The following PLCL1 variants were observed in gnomAD, a reference collection of about 807,000 sequenced individuals.
PLCL1 encodes the protein phospholipase C like 1 (inactive).
A neutral mutation model predicts 84.4 loss-of-function variants in PLCL1; 41 were observed. The ratio of observed to expected loss-of-function variants is 0.49; its 90% CI spans 0.38 to 0.63. The LOEUF is 0.63. Ranked by LOEUF, PLCL1 falls within the 30% of genes least tolerant of loss-of-function variation. PLCL1 has a pLI of 0.00. For missense variants in PLCL1, 1,206 were observed against 1,367.8 expected (o/e 0.88, Z 1.87); for synonymous variants, 490 against 488.3 (o/e 1.00, Z -0.05).
chr2:197,881,041 C>T (rs919377201), intron 1 of PLCL1, among the ~76,000 whole-genome samples: 2 of 152,122 alleles, frequency 1.3e-5, no homozygotes, highest in Admixed American at 1.3e-4. Flanking sequence ...CTGTGGTTCT[C>T]CTTCAGAATT....
chr2:198,129,921 T>G (rs905084717), intron 5 of PLCL1, among the ~76,000 whole-genome samples: 10 of 152,172 alleles, frequency 6.6e-5, no homozygotes, highest in Non-Finnish European at 1.5e-5. Flanking sequence ...CAAAATCTCA[T>G]GGACACTTTT....
At chr2:198,045,507 T>G (rs1366914740) in intron 1 of PLCL1, among the ~76,000 whole-genome samples, 1 of 152,220 alleles carries the variant, frequency 6.6e-6, no homozygotes, top group East Asian at 1.9e-4. Context: ...ATCTTAACTG[T>G]GGAAATATTT....
intron 1 of PLCL1, among the ~76,000 whole-genome samples, chr2:197,924,369 T>C (rs922529938): frequency 1.3e-5 from 2 of 152,132 alleles, no homozygotes; most frequent in African/African-American, 4.8e-5. Context: ...CAAACATCTT[T>C]TCAGGTGAAC....
At chr2:198,018,131 T>C (rs1362587521) in intron 1 of PLCL1, among the ~76,000 whole-genome samples, 1 of 152,120 alleles carries the variant, frequency 6.6e-6, no homozygotes, top group East Asian at 1.9e-4. Context: ...TGCAAGGGGT[T>C]GGGGAACTCC....
intron 1 of PLCL1, among the ~76,000 whole-genome samples, chr2:197,904,858 T>C (rs977928949): frequency 1.3e-5 from 2 of 152,168 alleles, no homozygotes; most frequent in East Asian, 3.8e-4. Context: ...AGAATAATAT[T>C]TAGTCAATTA....
rs79794399 is a variant in PLCL1, at chr2:198,078,333, G to T, written c.241-5425G>T. ...TTATCTGGATTCTAGATTGTATATTGTCTACCATCCTTTGAGAATGTCATG... is the reference window on the plus strand; with the variant it reads ...TTATCTGGATTCTAGATTGTATATTTTCTACCATCCTTTGAGAATGTCATG... On this transcript the variant is annotated intron_variant, in intron 1 of 5. Coordinates refer to ENST00000428675, the MANE Select transcript of PLCL1 (RefSeq NM_006226.4). Among the ~76,000 whole-genome samples the T allele has an allele frequency of 3.4e-3, 510 of 152,206 alleles. 3 individuals are homozygous for T. The highest frequency in any genetic ancestry group is 0.012 in the African/African-American group (481 of 41,550).
At chr2:198,055,029 T>A (rs1010454585) in intron 1 of PLCL1, among the ~76,000 whole-genome samples, 1 of 152,082 alleles carries the variant, frequency 6.6e-6, no homozygotes, top group Non-Finnish European at 1.5e-5. Flanking sequence ...ATGTTTTATA[T>A]AGTATATGTG....
intron 1 of PLCL1, among the ~76,000 whole-genome samples, chr2:198,042,883 CG>C (rs1691697207): frequency 1.3e-5 from 2 of 152,018 alleles, no homozygotes; most frequent in South Asian, 4.1e-4. Context: ...GGAGATAATA[CG>C]GGGTTGGTAC....
chr2:198,035,050 A>T (rs965654077), intron 1 of PLCL1, among the ~76,000 whole-genome samples: 1 of 152,206 alleles, frequency 6.6e-6, no homozygotes, highest in Non-Finnish European at 1.5e-5. Context: ...GGTATCTGCC[A>T]TATTTCTGCA....
At chr2:197,885,929 C>A (rs1014010480) in intron 1 of PLCL1, among the ~76,000 whole-genome samples, 1 of 152,170 alleles carries the variant, frequency 6.6e-6, no homozygotes, top group Non-Finnish European at 1.5e-5. Context: ...AGAACTAAAA[C>A]TATAGCTTCA....
At chr2:198,043,727 A>G (rs1691720990) in intron 1 of PLCL1, among the ~76,000 whole-genome samples, 1 of 152,070 alleles carries the variant, frequency 6.6e-6, no homozygotes, top group Non-Finnish European at 1.5e-5. Context: ...TGTCCAGAGA[A>G]CAGGTTTGGT....
intron 1 of PLCL1, among the ~76,000 whole-genome samples, chr2:197,846,667 A>G (rs1232452074): frequency 6.6e-6 from 1 of 152,156 alleles, no homozygotes; most frequent in Non-Finnish European, 1.5e-5. Flanking sequence ...ATTGGGGTGT[A>G]ATGTGATGGG....
chr2:197,887,302 A>G (rs1328874854), intron 1 of PLCL1, among the ~76,000 whole-genome samples: 1 of 152,172 alleles, frequency 6.6e-6, no homozygotes, highest in African/African-American at 2.4e-5. Context: ...GTTAATTCTG[A>G]GGGAGGGGAG....
intron 1 of PLCL1, among the ~76,000 whole-genome samples, chr2:197,839,016 A>G (rs1433125031): frequency 2.0e-5 from 3 of 152,352 alleles, no homozygotes; most frequent in Middle Eastern, 3.4e-3. Context: ...ATTGCCTTAT[A>G]TATCTGCTCT....
At chr2:198,061,421 T>C (rs1692196411) in intron 1 of PLCL1, among the ~76,000 whole-genome samples, 1 of 152,072 alleles carries the variant, frequency 6.6e-6, no homozygotes, top group South Asian at 2.1e-4. Context: ...GAATCCTCTT[T>C]AACGGCCCCC....
At chr2:198,021,871 C>G (rs532276814) in intron 1 of PLCL1, among the ~76,000 whole-genome samples, 1 of 152,094 alleles carries the variant, frequency 6.6e-6, no homozygotes, top group Non-Finnish European at 1.5e-5. Flanking sequence ...TAGAAAAAGA[C>G]GGACTCCTTC....
At chr2:197,920,733 C>T (rs1183582188) in intron 1 of PLCL1, among the ~76,000 whole-genome samples, 1 of 152,170 alleles carries the variant, frequency 6.6e-6, no homozygotes, top group African/African-American at 2.4e-5. Context: ...GGTGAAATGA[C>T]TTGGCATATT....
chr2:198,018,022 C>A (rs894007800), intron 1 of PLCL1, among the ~76,000 whole-genome samples: 38 of 152,148 alleles, frequency 2.5e-4, no homozygotes, highest in African/African-American at 8.9e-4. Flanking sequence ...GCATTTCCAA[C>A]TGAAGCACCC....
At position 197,967,489 on chromosome 2, in the gene PLCL1, A is replaced by G. The variant is rs184687423; in HGVS notation, c.241-116269A>G. ...GGGTATCACTAGATACATATGGGCA[A>G]CTGGAATGCATTCTAAACTGAGTAA... On this transcript the variant is annotated intron_variant, in intron 1 of 5. Coordinates refer to ENST00000428675, the MANE Select transcript of PLCL1 (RefSeq NM_006226.4). Among the ~76,000 whole-genome samples the G allele has an allele frequency of 4.9e-3, 739 of 152,328 alleles. 6 individuals are homozygous for G. The highest frequency in any genetic ancestry group is 0.016 in the African/African-American group (665 of 41,564).
Sources: allele counts gnomAD v4.1 joint callset (sites outside exome capture counted in the v4.1 genomes callset), GRCh38; gene constraint gnomAD v4.1.1; transcripts MANE v1.5; gene names NCBI Gene and HGNC (gene_info 2026-07-23, HGNC 2026-07-21).